AGBL4: variants seen among roughly 807,000 people sequenced by gnomAD.
The protein encoded by AGBL4 is cytosolic carboxypeptidase 6.
Under a neutral mutation model 66.4 loss-of-function variants are expected in AGBL4, and 58 were observed. The ratio of observed to expected loss-of-function variants is 0.87; its 90% CI spans 0.71 to 1.09. AGBL4 has a LOEUF of 1.09. AGBL4 is among the 50% of genes least tolerant of loss of function. The pLI is 0.00. For synonymous variants in AGBL4, 234 were observed against 222.9 expected, an observed-to-expected ratio of 1.05 and a Z score of -0.44; for missense variants, 579 against 631.0, an observed-to-expected ratio of 0.92 and a Z score of 0.88.
chr1:49,933,424 A>G (rs2148269644), intron 1 of AGBL4, among the ~76,000 whole-genome samples: 1 of 152,286 alleles, frequency 6.6e-6, no homozygotes. Context: ...CAAAAGAATG[A>G]AAAGGTGCTA....
intron 3 of AGBL4, among the ~76,000 whole-genome samples, chr1:49,424,305 C>T (rs1358425203): frequency 6.6e-6 from 1 of 152,026 alleles, no homozygotes; most frequent in Non-Finnish European, 1.5e-5. Context: ...ATGAAAAATC[C>T]TGGATTTTTC....
At chr1:49,197,140 G>C (rs164969) in intron 4 of AGBL4, among the ~76,000 whole-genome samples, 47,810 of 152,082 alleles carry the variant, frequency 0.31, 8,259 homozygotes, top group East Asian at 0.72. Flanking sequence ...GATGTATGTT[G>C]GTAGGGCCTT....
At chr1:49,847,019 A>C (rs2148053311) in intron 2 of AGBL4, among the ~76,000 whole-genome samples, 1 of 152,362 alleles carries the variant, frequency 6.6e-6, no homozygotes, top group Middle Eastern at 3.4e-3. Flanking sequence ...ATTATCTGGC[A>C]TCAAATTACA....
rs373204459 is a variant in AGBL4 at position 49,538,687 on chromosome 1, G to A, written c.282+158626C>T. On this transcript the variant is annotated intron_variant, in intron 3 of 13. Coordinates refer to ENST00000371839, the MANE Select transcript of AGBL4 (RefSeq NM_032785.4). ...TTACCAGGAAAATGTAAACTTAGAT[G>A]CAAAAATACTCAAACTCACTAATAA... Among the ~76,000 whole-genome samples the A allele has an allele frequency of 3.5e-4, 53 of 152,204 alleles. 1 individual carries two copies. In the South Asian group the frequency reaches 9.8e-3, roughly 28 times the overall value.
chr1:49,152,053 T>C (rs944871767), intron 4 of AGBL4, among the ~76,000 whole-genome samples: 6 of 151,966 alleles, frequency 3.9e-5, no homozygotes, highest in Admixed American at 2.0e-4. Context: ...GCATATAGTA[T>C]GTCAAGTATC....
chr1:49,413,683 C>T (rs565135236), intron 3 of AGBL4, among the ~76,000 whole-genome samples: 2 of 152,296 alleles, frequency 1.3e-5, no homozygotes, highest in East Asian at 1.9e-4. Context: ...CCCTGATCAT[C>T]GCTGGGCTTA....
intron 3 of AGBL4, among the ~76,000 whole-genome samples, chr1:49,586,292 T>G (rs2124031289): frequency 1.3e-5 from 2 of 152,308 alleles, no homozygotes; most frequent in Middle Eastern, 6.8e-3. Context: ...TTTGCTGGAT[T>G]CAAAGCATCA....
At chr1:49,155,539 T>C (rs182259724) in intron 4 of AGBL4, among the ~76,000 whole-genome samples, 2 of 152,294 alleles carry the variant, frequency 1.3e-5, no homozygotes, top group African/African-American at 4.8e-5. Context: ...TATTAAGTGA[T>C]GGGCCAGAAT....
chr1:48,524,512 C>T, the AGBL4 span, among the ~76,000 whole-genome samples: 1 of 152,162 alleles, frequency 6.6e-6, no homozygotes, highest in Non-Finnish European at 1.5e-5. Flanking sequence ...TGACATCGTG[C>T]TGAGCACAGT....
At chr1:48,800,728 A>G (rs1043037983) in intron 6 of AGBL4, among the ~76,000 whole-genome samples, 6 of 152,104 alleles carry the variant, frequency 3.9e-5, no homozygotes, top group Non-Finnish European at 8.8e-5. Context: ...TTTAGTTTCT[A>G]TCTTTATTTC....
chr1:49,935,812 A>T (rs575856295), intron 1 of AGBL4, among the ~76,000 whole-genome samples: 1 of 152,352 alleles, frequency 6.6e-6, no homozygotes, highest in East Asian at 1.9e-4. Flanking sequence ...AACAGAAAGG[A>T]CATCCACACC....
At position 48,653,446 on chromosome 1, in the gene AGBL4, T is replaced by G; in HGVS notation, c.730A>C (p.Ile244Leu). ...TPSSFVCQGI[I>L]DFLVSQHPIA... ...GGGTGCTGGCTTACAAGGAAGTCAATGATCCCTAGGGAAAGAGAAGAGCCC... is the reference window on the plus strand; with the variant it reads ...GGGTGCTGGCTTACAAGGAAGTCAAGGATCCCTAGGGAAAGAGAAGAGCCC... Residue 244 changes from isoleucine to leucine, a missense_variant, in exon 8 of 14, where the codon ATT (isoleucine) becomes CTT (leucine). Coordinates refer to ENST00000371839, the MANE Select transcript of AGBL4 (RefSeq NM_032785.4). 1 of 1,572,922 alleles carries G rather than the reference T, an allele frequency of 6.4e-7. No homozygotes were observed.
At chr1:49,613,869 T>G (rs1645201444) in intron 3 of AGBL4, among the ~76,000 whole-genome samples, 1 of 152,200 alleles carries the variant, frequency 6.6e-6, no homozygotes, top group Non-Finnish European at 1.5e-5. Flanking sequence ...TTCACAAAAC[T>G]GGTCCCTGGT....
At chr1:49,949,509 GA>G (rs1283457209) in intron 1 of AGBL4, among the ~76,000 whole-genome samples, 1 of 151,342 alleles carries the variant, frequency 6.6e-6, no homozygotes, top group East Asian at 1.9e-4. Flanking sequence ...AAATTAGCAA[GA>G]AAAAAACAAA....
chr1:48,665,684 C>CA (rs1646175135), intron 6 of AGBL4, among the ~76,000 whole-genome samples: 1 of 152,144 alleles, frequency 6.6e-6, no homozygotes, highest in African/African-American at 2.4e-5. Flanking sequence ...TGCTGCATTT[C>CA]CATTTACAAT....
chr1:48,586,884 C>T (rs186136823), intron 11 of AGBL4, 120 bp downstream of exon 11: 32 of 1,322,202 alleles, frequency 2.4e-5, no homozygotes, highest in African/African-American at 2.0e-4. Flanking sequence ...GAAGCACCTC[C>T]ATCCTCACCT....
chr1:49,786,507 T>C (rs1644459220), intron 2 of AGBL4, among the ~76,000 whole-genome samples: 1 of 152,178 alleles, frequency 6.6e-6, no homozygotes, highest in Admixed American at 6.5e-5. Context: ...ACCTTTAAAA[T>C]ATTTAGATGA....
chr1:48,969,093 T>TCTCC (rs1013838174), intron 5 of AGBL4, among the ~76,000 whole-genome samples: 1 of 96,912 alleles, frequency 1.0e-5, no homozygotes, highest in Non-Finnish European at 2.1e-5. Flanking sequence ...TCCCTCCCTC[T>TCTCC]CTCCCTCCCT....
At chr1:49,623,227 A>G (rs1645401541) in intron 3 of AGBL4, among the ~76,000 whole-genome samples, 1 of 152,192 alleles carries the variant, frequency 6.6e-6, no homozygotes, top group Non-Finnish European at 1.5e-5. Context: ...GTGAGAAAAC[A>G]TACAAATTAT....
Sources: gnomAD v4.1 joint callset for allele counts (sites outside exome capture counted in the v4.1 genomes callset) on GRCh38, gnomAD v4.1.1 for gene constraint, MANE v1.5 for transcripts, NCBI Gene and HGNC (gene_info 2026-07-23, HGNC 2026-07-21) for gene names.